The following MSL2 variants were observed in gnomAD, a reference collection of about 807,000 sequenced individuals.
The protein encoded by MSL2 is MSL complex subunit 2, also known as E3 ubiquitin-protein ligase MSL2.
A neutral mutation model predicts 35.8 loss-of-function variants in MSL2; 2 were observed. That is an observed-to-expected ratio of 0.06 (90% confidence interval 0.02 to 0.18). The LOEUF is 0.18. Ranked by LOEUF, MSL2 falls within the 10% of genes least tolerant of loss-of-function variation. The pLI, the probability that MSL2 is intolerant of heterozygous loss-of-function variation, is 1.00. For missense variants in MSL2, 523 were observed against 706.7 expected, an observed-to-expected ratio of 0.74 and a Z score of 2.95; for synonymous variants, 296 against 255.7, an observed-to-expected ratio of 1.16 and a Z score of -1.50.
chr3:136,179,887 G>GA (rs1243716464), intron 1 of MSL2, among the ~76,000 whole-genome samples: 1 of 152,088 alleles, frequency 6.6e-6, no homozygotes, highest in Non-Finnish European at 1.5e-5. Context: ...CCAACACGGT[G>GA]AAACTCCACC....
chr3:136,193,435 A>T (rs1940745690), intron 1 of MSL2, among the ~76,000 whole-genome samples: 1 of 152,150 alleles, frequency 6.6e-6, no homozygotes, highest in African/African-American at 2.4e-5. Flanking sequence ...TCAGCAGGAC[A>T]GAGTGGGCCC....
chr3:136,172,140 A>G (rs1940044075), intron 1 of MSL2, among the ~76,000 whole-genome samples: 1 of 151,388 alleles, frequency 6.6e-6, no homozygotes, highest in African/African-American at 2.5e-5. Flanking sequence ...TAAACGTGAC[A>G]AAATAAAGTC....
chr3:136,157,195 G>T (rs969971683), intron 1 of MSL2, among the ~76,000 whole-genome samples: 4 of 152,162 alleles, frequency 2.6e-5, no homozygotes, highest in African/African-American at 9.7e-5. Context: ...GGAGGCCAAG[G>T]TGGGCTGATC....
intron 1 of MSL2, among the ~76,000 whole-genome samples, chr3:136,184,295 G>GAA (rs570023293): frequency 1.1e-4 from 16 of 149,900 alleles, no homozygotes; most frequent in African/African-American, 3.9e-4. Context: ...GACTCCGTCT[G>GAA]AAAAAAAGAA....
At chr3:136,156,716 G>T (rs190201450) in intron 1 of MSL2, among the ~76,000 whole-genome samples, 4 of 152,116 alleles carry the variant, frequency 2.6e-5, no homozygotes, top group African/African-American at 7.2e-5. Flanking sequence ...TTAGCCGGGC[G>T]TGGTGGCAGC....
At chr3:136,191,856 A>T (rs1176159383) in intron 1 of MSL2, among the ~76,000 whole-genome samples, 1 of 152,224 alleles carries the variant, frequency 6.6e-6, no homozygotes, top group Non-Finnish European at 1.5e-5. Flanking sequence ...AGATAAAGGC[A>T]ATTGGCAAAA....
rs1009264497 is a variant in MSL2, at chr3:136,195,423, C to G, written c.-310G>C. On this transcript the variant is annotated 5_prime_UTR_variant, in exon 1 of 2. Coordinates refer to ENST00000309993, the MANE Select transcript of MSL2 (RefSeq NM_018133.4). ...CGGCTTGGGCGCTCGGGGCGGGACT[C>G]GGAGCTCAGTCTAGCCCCGCGGCTC... 1 of 1,115,060 alleles carries G rather than the reference C, an allele frequency of 9.0e-7. No homozygotes were observed. The highest frequency in any genetic ancestry group is 1.1e-6 in the Non-Finnish European group (1 of 910,310). 69.1% of individuals were successfully genotyped at this position (1,115,060 alleles called of 1,614,324 possible). A position where few individuals can be genotyped will look rare whatever the true frequency, so the allele number is the denominator to read the frequency against.
At chr3:136,169,314 G>T (rs1456898874) in intron 1 of MSL2, among the ~76,000 whole-genome samples, 2 of 144,828 alleles carry the variant, frequency 1.4e-5, no homozygotes, top group African/African-American at 5.2e-5. Context: ...GGGTACACGT[G>T]ATATTCTGAC....
Position 136,149,037 on chromosome 3 carries a change from T to C in MSL2, c.*2110A>G, listed in dbSNP as rs1939253506. ...TTGTGCTAAAAACAACCTGAATTCA[T>C]CATTGGCAATATTACATAACAATCA... On this transcript the variant is annotated 3_prime_UTR_variant, in exon 2 of 2. Transcript: ENST00000309993. The C allele has an allele frequency of 1.3e-5, 2 of 152,142 alleles. No individual in the cohort carries two copies. The highest frequency in any genetic ancestry group is 2.4e-5 in the African/African-American group (1 of 41,266). The allele number at this position is 152,142 out of a possible 1,614,324, so 9.4% of individuals were successfully genotyped here. A position where few individuals can be genotyped will look rare whatever the true frequency, so the allele number is the denominator to read the frequency against.
chr3:136,169,549 A>G (rs1939958847), intron 1 of MSL2, among the ~76,000 whole-genome samples: 1 of 152,042 alleles, frequency 6.6e-6, no homozygotes, highest in African/African-American at 2.4e-5. Context: ...CCCTGGTTCA[A>G]GCAATTCTCC....
chr3:136,188,016 C>G (rs1193536718), intron 1 of MSL2, among the ~76,000 whole-genome samples: 2 of 152,178 alleles, frequency 1.3e-5, no homozygotes, highest in East Asian at 1.9e-4. Context: ...AAACTCTCCA[C>G]ACAAAAGGCC....
In MSL2 at chr3:136,149,040, T is replaced by C. The variant is rs943521365; in HGVS notation, c.*2107A>G. Reference sequence around the variant, plus strand: ...TGCTAAAAACAACCTGAATTCATCATTGGCAATATTACATAACAATCAAGG... The same window carrying C: ...TGCTAAAAACAACCTGAATTCATCACTGGCAATATTACATAACAATCAAGG... On this transcript the variant is annotated 3_prime_UTR_variant, in exon 2 of 2. Transcript: ENST00000309993. 27 of 152,408 alleles carry C rather than the reference T, an allele frequency of 1.8e-4. 1 individual carries two copies. The highest frequency in any genetic ancestry group is 2.2e-4 in the African/African-American group (9 of 41,378). 9.4% of individuals were successfully genotyped at this position (152,408 alleles called of 1,614,324 possible).
At chr3:136,186,980 G>C (rs1419520947) in intron 1 of MSL2, among the ~76,000 whole-genome samples, 1 of 151,992 alleles carries the variant, frequency 6.6e-6, no homozygotes, top group Non-Finnish European at 1.5e-5. Context: ...AATGCTTAGA[G>C]AATCCTGACC....
chr3:136,156,400 G>A (rs1207381304), intron 1 of MSL2, among the ~76,000 whole-genome samples: 1 of 152,202 alleles, frequency 6.6e-6, no homozygotes, highest in Non-Finnish European at 1.5e-5. Flanking sequence ...TGGTGATTAG[G>A]TGGGTGTAGA....
chr3:136,161,044 G>A (rs565721927), intron 1 of MSL2, among the ~76,000 whole-genome samples: 26 of 152,258 alleles, frequency 1.7e-4, no homozygotes, highest in African/African-American at 5.3e-4. Flanking sequence ...CCAAGAGAGC[G>A]CCACTGCACT....
At chr3:136,186,160 A>G (rs1379766386) in intron 1 of MSL2, among the ~76,000 whole-genome samples, 1 of 152,150 alleles carries the variant, frequency 6.6e-6, no homozygotes, top group East Asian at 1.9e-4. Context: ...CATTTCTGAT[A>G]TGAACTAAGT....
intron 1 of MSL2, among the ~76,000 whole-genome samples, chr3:136,164,659 C>G (rs1223725724): frequency 6.6e-6 from 1 of 152,002 alleles, no homozygotes; most frequent in Non-Finnish European, 1.5e-5. Context: ...TAAGAAATAC[C>G]AGACAACATA....
intron 1 of MSL2, among the ~76,000 whole-genome samples, chr3:136,191,793 C>T (rs1000786386): frequency 6.6e-6 from 1 of 152,062 alleles, no homozygotes; most frequent in African/African-American, 2.4e-5. Flanking sequence ...TTTTTCAAAC[C>T]GCTTAAAAAT....
chr3:136,170,437 A>G (rs761283359), intron 1 of MSL2, among the ~76,000 whole-genome samples: 1 of 150,112 alleles, frequency 6.7e-6, no homozygotes, highest in African/African-American at 2.5e-5. Context: ...CAATCCAACC[A>G]TATTTGTTTC....
Sources: gnomAD v4.1 joint callset for allele counts (sites outside exome capture counted in the v4.1 genomes callset) on GRCh38, gnomAD v4.1.1 for gene constraint, MANE v1.5 for transcripts, NCBI Gene and HGNC (gene_info 2026-07-23, HGNC 2026-07-21) for gene names.